Variants in FSTL5 observed in about 807,000 individuals in gnomAD.
FSTL5 encodes follistatin-related protein 5.
FSTL5 carries 62 observed loss-of-function variants against 89.1 expected under a neutral mutation model. That is an observed-to-expected ratio of 0.70 (90% CI 0.57 to 0.86). The LOEUF (loss-of-function observed/expected upper bound fraction) is 0.86, where lower values mean the gene tolerates loss of function less well. Ranked by LOEUF, FSTL5 falls within the 40% of genes least tolerant of loss-of-function variation. FSTL5 has a pLI of 0.00. For synonymous variants in FSTL5, 383 were observed against 346.2 expected (o/e 1.11, Z -1.18); for missense variants, 1,057 against 1,001.6 (o/e 1.06, Z -0.75).
At chr4:162,126,853 C>T (rs1732100691) in intron 1 of FSTL5, among the ~76,000 whole-genome samples, 1 of 152,030 alleles carries the variant, frequency 6.6e-6, no homozygotes, top group Admixed American at 6.6e-5. Context: ...TGCATGTGGG[C>T]CTGACAGATG....
intron 7 of FSTL5, among the ~76,000 whole-genome samples, chr4:161,595,635 A>G (rs758336233): frequency 3.3e-5 from 5 of 152,058 alleles, no homozygotes; most frequent in African/African-American, 7.2e-5. Flanking sequence ...TGTAAGAGTA[A>G]CAAAACATTT....
intron 6 of FSTL5, among the ~76,000 whole-genome samples, chr4:161,662,806 C>T (rs1424624303): frequency 3.3e-5 from 5 of 152,142 alleles, no homozygotes; most frequent in African/African-American, 1.2e-4. Flanking sequence ...CACACTGAGT[C>T]ACTGTATTAG....
At chr4:162,116,420 T>C (rs1303190258) in intron 1 of FSTL5, among the ~76,000 whole-genome samples, 1 of 152,224 alleles carries the variant, frequency 6.6e-6, no homozygotes, top group African/African-American at 2.4e-5. Context: ...GTGTGGGCTT[T>C]TACCACTAAA....
intron 2 of FSTL5, among the ~76,000 whole-genome samples, chr4:162,086,206 T>G (rs1398198464): frequency 6.6e-6 from 1 of 152,032 alleles, no homozygotes; most frequent in Admixed American, 6.6e-5. Context: ...TTCTGTAACC[T>G]AGATTAGAAA....
chr4:161,809,176 G>A (rs113500809), intron 4 of FSTL5, among the ~76,000 whole-genome samples: 44 of 152,258 alleles, frequency 2.9e-4, no homozygotes, highest in African/African-American at 6.0e-4. Flanking sequence ...CCATGATGGC[G>A]CCACTTCACT....
intron 6 of FSTL5, among the ~76,000 whole-genome samples, chr4:161,758,231 CT>C (rs1740645990): frequency 6.6e-6 from 1 of 151,882 alleles, no homozygotes; most frequent in African/African-American, 2.4e-5. Flanking sequence ...ATTTAAATAA[CT>C]TCTCCAACAT....
chr4:161,978,146 T>C lies in FSTL5; in HGVS notation c.160+55479A>G, dbSNP rs140445167. Among the ~76,000 whole-genome samples, 1,466 of 152,320 alleles carry C rather than the reference T, an allele frequency of 9.6e-3. 26 individuals are homozygous for C. The highest frequency in any genetic ancestry group is 0.032 in the African/African-American group (1,329 of 41,568). On this transcript the variant is annotated intron_variant, in intron 3 of 15. Coordinates refer to ENST00000306100, the MANE Select transcript of FSTL5 (RefSeq NM_020116.5). ...AAGTAATGGCTTATAAGAGTTCCTATTATTTATACACAAATCATAATAATT... is the reference window on the plus strand; with the variant it reads ...AAGTAATGGCTTATAAGAGTTCCTACTATTTATACACAAATCATAATAATT...
chr4:161,451,830 C>A (rs1443962018), intron 15 of FSTL5, among the ~76,000 whole-genome samples: 1 of 152,308 alleles, frequency 6.6e-6, no homozygotes, highest in East Asian at 1.9e-4. Context: ...TAGTGTAGCA[C>A]TTTCTTCCTT....
At chr4:161,510,247 T>C in intron 11 of FSTL5, 151 bp downstream of exon 11, 1 of 615,360 alleles carries the variant, frequency 1.6e-6, no homozygotes, top group Non-Finnish European at 2.9e-6. Flanking sequence ...TGTGTAATGG[T>C]AGCAGGCTTA....
intron 4 of FSTL5, among the ~76,000 whole-genome samples, chr4:161,916,158 C>T (rs1460283280): frequency 6.6e-6 from 1 of 152,182 alleles, no homozygotes; most frequent in Non-Finnish European, 1.5e-5. Context: ...AACCATATTT[C>T]TCAAGTTGTT....
At chr4:162,048,714 T>C (rs1367732376) in intron 2 of FSTL5, among the ~76,000 whole-genome samples, 1 of 151,968 alleles carries the variant, frequency 6.6e-6, no homozygotes, top group East Asian at 1.9e-4. Flanking sequence ...ATCAAGAAAA[T>C]GGATGCATAG....
intron 2 of FSTL5, among the ~76,000 whole-genome samples, chr4:162,070,955 T>C (rs1204337803): frequency 2.0e-5 from 3 of 151,358 alleles, no homozygotes; most frequent in Admixed American, 6.6e-5. Context: ...CATGAAAACA[T>C]ACAAAAATAT....
intron 15 of FSTL5, among the ~76,000 whole-genome samples, chr4:161,438,832 C>T (rs573378694): frequency 3.8e-4 from 58 of 151,656 alleles, no homozygotes; most frequent in South Asian, 1.5e-3. Flanking sequence ...CTGATATAAT[C>T]GATTAGAAAT....
intron 6 of FSTL5, 63 bp downstream of exon 6, chr4:161,759,348 C>A: frequency 6.8e-7 from 1 of 1,465,066 alleles, no homozygotes; most frequent in South Asian, 1.4e-5. Flanking sequence ...GCAAATAGAC[C>A]ATATTGTGTA....
chr4:161,698,874 C>G (rs967074477), intron 6 of FSTL5, among the ~76,000 whole-genome samples: 1 of 152,020 alleles, frequency 6.6e-6, no homozygotes, highest in African/African-American at 2.4e-5. Context: ...TGCTTGAACC[C>G]GGGAGGCGGA....
intron 2 of FSTL5, among the ~76,000 whole-genome samples, chr4:162,088,692 G>GTTTCTACTTGTTATGT (rs1730419097): frequency 6.6e-6 from 1 of 152,010 alleles, no homozygotes; most frequent in Non-Finnish European, 1.5e-5. Flanking sequence ...ATTTAATTTT[G>GTTTCTACTTGTTATGT]TAGAAAAAAG....
chr4:162,014,437 G>A (rs567385100), intron 3 of FSTL5, among the ~76,000 whole-genome samples: 1 of 152,224 alleles, frequency 6.6e-6, no homozygotes, highest in Admixed American at 6.5e-5. Context: ...AAAGGGAAAT[G>A]GTGAAAGAAC....
At chr4:161,943,930 C>G (rs1734666601) in intron 3 of FSTL5, among the ~76,000 whole-genome samples, 1 of 152,052 alleles carries the variant, frequency 6.6e-6, no homozygotes, top group Admixed American at 6.6e-5. Flanking sequence ...AAATTGTTGG[C>G]TTCCTTTTTC....
chr4:161,438,436 T>C (rs1343862898), intron 15 of FSTL5, among the ~76,000 whole-genome samples: 1 of 152,134 alleles, frequency 6.6e-6, no homozygotes, highest in Non-Finnish European at 1.5e-5. Context: ...TGAAAATGAA[T>C]ATCCCACTCA....
Sources: gnomAD v4.1 joint callset for allele counts (sites outside exome capture counted in the v4.1 genomes callset) on GRCh38, gnomAD v4.1.1 for gene constraint, MANE v1.5 for transcripts, NCBI Gene and HGNC (gene_info 2026-07-23, HGNC 2026-07-21) for gene names.